The following FRAS1 variants were observed in gnomAD, a reference collection of about 807,000 sequenced individuals.
The protein encoded by FRAS1 is Fraser extracellular matrix complex subunit 1.
A neutral mutation model predicts 435.2 loss-of-function variants in FRAS1; 290 were observed. The observed-to-expected ratio is 0.67, with a 90% CI of 0.61 to 0.73. FRAS1 has a LOEUF of 0.73. Ranked by LOEUF, FRAS1 falls within the 30% of genes least tolerant of loss-of-function variation. The pLI is 0.00. For synonymous variants in FRAS1, 1,800 were observed against 1,851.0 expected, an observed-to-expected ratio of 0.97 and a Z score of 0.71; for missense variants, 4,860 against 5,001.5, an observed-to-expected ratio of 0.97 and a Z score of 0.85.
chr4:78,277,409 T>A (rs11098131), intron 9 of FRAS1, among the ~76,000 whole-genome samples: 1 of 152,140 alleles, frequency 6.6e-6, no homozygotes, highest in Non-Finnish European at 1.5e-5. Context: ...GCATCACTCA[T>A]GCTGGTAGCT....
intron 41 of FRAS1, among the ~76,000 whole-genome samples, chr4:78,444,383 T>C (rs1040771781): frequency 5.3e-5 from 8 of 151,966 alleles, no homozygotes; most frequent in African/African-American, 1.7e-4. Flanking sequence ...TTCATGTTAT[T>C]GAAGAAAAAA....
intron 2 of FRAS1, among the ~76,000 whole-genome samples, chr4:78,218,133 C>CAA (rs1553931246): frequency 1.6e-4 from 22 of 133,592 alleles, no homozygotes; most frequent in African/African-American, 6.4e-4. Context: ...CACACACACA[C>CAA]AAGTTGTATT....
rs773767929 is a variant in FRAS1 at position 78,384,085 on chromosome 4, G to C, written c.3590G>C (p.Ser1197Thr). The C allele has an allele frequency of 3.7e-6, 6 of 1,606,598 alleles. No homozygotes were observed. The highest frequency in any genetic ancestry group is 5.1e-6 in the Non-Finnish European group (6 of 1,177,782). ...AAAGGTTACCTTTTCCTGAAAATTA[G>C]TGACCAGCAGTTCTTCTCTGAGCCA... ...LRKGYLFLKI[S>T]DQQFFSEPQL... The change falls in exon 28 of 74, where the codon AGT becomes ACT. Residue 1197 changes from serine (S) to threonine (T), a missense_variant. Coordinates refer to ENST00000512123, the MANE Select transcript of FRAS1 (RefSeq NM_025074.7).
intron 15 of FRAS1, among the ~76,000 whole-genome samples, chr4:78,315,314 T>C (rs912708634): frequency 6.6e-6 from 1 of 152,244 alleles, no homozygotes; most frequent in Non-Finnish European, 1.5e-5. Context: ...AAGGCCATTT[T>C]AACTTTAAAC....
At chr4:78,145,039 T>G (rs112763499) in intron 2 of FRAS1, among the ~76,000 whole-genome samples, 89 of 152,314 alleles carry the variant, frequency 5.8e-4, no homozygotes, top group African/African-American at 2.1e-3. Flanking sequence ...CTATATTATT[T>G]TTAAATTTCC....
At chr4:78,196,858 G>A (rs1722834235) in intron 2 of FRAS1, among the ~76,000 whole-genome samples, 1 of 152,156 alleles carries the variant, frequency 6.6e-6, no homozygotes, top group Admixed American at 6.5e-5. Flanking sequence ...CCTCTGTAGA[G>A]TTTTAATGAG....
At chr4:78,115,746 G>A (rs1310128169) in intron 2 of FRAS1, among the ~76,000 whole-genome samples, 1 of 151,422 alleles carries the variant, frequency 6.6e-6, no homozygotes, top group Admixed American at 6.6e-5. Context: ...CTTGATAGTG[G>A]TCTATCAATT....
chr4:78,388,329 AC>A (rs1330565404), intron 29 of FRAS1, among the ~76,000 whole-genome samples: 1 of 131,332 alleles, frequency 7.6e-6, no homozygotes, highest in Non-Finnish European at 1.6e-5. Flanking sequence ...CGTCTCAAAA[AC>A]CAAAAAAAAA....
At chr4:78,061,822 C>A (rs1292449078) in intron 1 of FRAS1, among the ~76,000 whole-genome samples, 2 of 152,156 alleles carry the variant, frequency 1.3e-5, no homozygotes, top group Admixed American at 1.3e-4. Flanking sequence ...CTCCTGCGCT[C>A]AAGGAGTTTG....
At chr4:78,522,627 C>T (rs1465237118) in intron 68 of FRAS1, 22 bp from the exon 69 acceptor site, 5 of 1,580,368 alleles carry the variant, frequency 3.2e-6, no homozygotes, top group Non-Finnish European at 4.3e-6. Context: ...ACATTAAATG[C>T]ATGTGTTTCC....
At chr4:78,513,359 G>T in intron 64 of FRAS1, 33 bp from the exon 65 acceptor site, 2 of 1,610,394 alleles carry the variant, frequency 1.2e-6, no homozygotes, top group Non-Finnish European at 1.7e-6. Flanking sequence ...ATAGCAGTCA[G>T]CTAAACATTT....
intron 2 of FRAS1, among the ~76,000 whole-genome samples, chr4:78,161,753 AAAAAAAAAAAAAAAAAAAAG>A (rs1721147579): frequency 6.8e-6 from 1 of 146,168 alleles, no homozygotes; most frequent in Non-Finnish European, 1.5e-5. Flanking sequence ...AAAAAAAAAA[AAAAAAAAAAAAAAAAAAAAG>A]AAAAGAAAAG....
intron 2 of FRAS1, among the ~76,000 whole-genome samples, chr4:78,076,576 T>A (rs1740651987): frequency 6.6e-6 from 1 of 152,206 alleles, no homozygotes; most frequent in Non-Finnish European, 1.5e-5. Context: ...AGAACTATAT[T>A]ATTGTTTGCT....
rs1378556775 is a variant in FRAS1 at position 78,541,367 on chromosome 4, C to G, written c.*243C>G. Reference sequence around the variant, plus strand: ...ATAGTGTCAACAACTGTACACAGCTCCTTCTGTAAGGCTGGTCTTAGAAAA... The same window carrying G: ...ATAGTGTCAACAACTGTACACAGCTGCTTCTGTAAGGCTGGTCTTAGAAAA... On this transcript the variant is annotated 3_prime_UTR_variant, in exon 74 of 74. Coordinates refer to ENST00000512123, the MANE Select transcript of FRAS1 (RefSeq NM_025074.7). 1 of 340,478 alleles carries G rather than the reference C, an allele frequency of 2.9e-6. No homozygotes were observed. Among genetic ancestry groups the G allele is most frequent in the Non-Finnish European group, 5.3e-6 (1 of 190,208 alleles). The allele number at this position is 340,478 out of a possible 1,614,324, so 21.1% of individuals were successfully genotyped here.
intron 2 of FRAS1, among the ~76,000 whole-genome samples, chr4:78,214,798 A>G (rs937214707): frequency 7.2e-5 from 11 of 152,320 alleles, no homozygotes; most frequent in Non-Finnish European, 8.8e-5. Flanking sequence ...GTCTCCATGC[A>G]CAGAACATTA....
intron 2 of FRAS1, among the ~76,000 whole-genome samples, chr4:78,132,744 T>C (rs148500076): frequency 6.6e-6 from 1 of 152,112 alleles, no homozygotes; most frequent in Non-Finnish European, 1.5e-5. Flanking sequence ...AGTTTGGGTG[T>C]TTTTCACATG....
intron 4 of FRAS1, among the ~76,000 whole-genome samples, chr4:78,249,954 T>A: frequency 6.6e-6 from 1 of 152,162 alleles, no homozygotes. Flanking sequence ...TTCTAATTTT[T>A]AATAAAATGA....
At chr4:78,386,675 GT>G (rs939563292) in intron 28 of FRAS1, among the ~76,000 whole-genome samples, 1 of 151,756 alleles carries the variant, frequency 6.6e-6, no homozygotes, top group Admixed American at 6.6e-5. Flanking sequence ...TTTTGGGTGA[GT>G]TTTTTTTCTG....
At chr4:78,428,432 C>G (rs765611062) in intron 35 of FRAS1, among the ~76,000 whole-genome samples, 13 of 152,118 alleles carry the variant, frequency 8.5e-5, no homozygotes, top group Non-Finnish European at 7.3e-5. Flanking sequence ...ACGCCATTCT[C>G]CTCCCTCAGC....
Sources: gnomAD v4.1 joint callset for allele counts (sites outside exome capture counted in the v4.1 genomes callset) on GRCh38, gnomAD v4.1.1 for gene constraint, MANE v1.5 for transcripts, NCBI Gene and HGNC (gene_info 2026-07-23, HGNC 2026-07-21) for gene names.